MECOM: variants seen among roughly 807,000 people sequenced by gnomAD.
MECOM encodes the protein histone-lysine N-methyltransferase MECOM.
MECOM carries 13 observed loss-of-function variants against 116.3 expected under a neutral mutation model. The observed-to-expected ratio is 0.11, with a 90% CI of 0.07 to 0.18. MECOM has a LOEUF of 0.18. Among genes scored for constraint, MECOM ranks in the 10% least tolerant of loss-of-function variants. The pLI is 1.00. For missense variants in MECOM, 1,299 were observed against 1,509.0 expected (o/e 0.86, Z 2.31); for synonymous variants, 528 against 535.2 (o/e 0.99, Z 0.19).
chr3:169,366,849 A>G (rs771520281), intron 2 of MECOM, among the ~76,000 whole-genome samples: 1 of 152,070 alleles, frequency 6.6e-6, no homozygotes, highest in Non-Finnish European at 1.5e-5. Context: ...GGCACAAAGC[A>G]TCCATCTCCC....
At chr3:169,387,340 G>A (rs1301802776) in intron 1 of MECOM, among the ~76,000 whole-genome samples, 2 of 152,162 alleles carry the variant, frequency 1.3e-5, no homozygotes, top group Admixed American at 6.5e-5. Flanking sequence ...GTAATTCTTC[G>A]GTTCTTATTT....
intron 1 of MECOM, among the ~76,000 whole-genome samples, chr3:169,443,159 G>C (rs1199335440): frequency 6.6e-6 from 1 of 152,072 alleles, no homozygotes; most frequent in East Asian, 1.9e-4. Context: ...AAATTTCTTG[G>C]TATCCCATGG....
At chr3:169,379,100 T>G (rs1340093835) in intron 2 of MECOM, among the ~76,000 whole-genome samples, 2 of 151,750 alleles carry the variant, frequency 1.3e-5, no homozygotes. Flanking sequence ...GAGATGCCTT[T>G]GAGAAAGTGC....
intron 2 of MECOM, among the ~76,000 whole-genome samples, chr3:169,307,293 C>A (rs1430107009): frequency 6.6e-6 from 1 of 152,192 alleles, no homozygotes; most frequent in Non-Finnish European, 1.5e-5. Context: ...AATAGCTTCT[C>A]CACACAAACG....
intron 12 of MECOM, among the ~76,000 whole-genome samples, chr3:169,099,722 G>A (rs1204921762): frequency 6.6e-6 from 1 of 152,054 alleles, no homozygotes; most frequent in Non-Finnish European, 1.5e-5. Context: ...TTTCAAAGGA[G>A]AATGACATTA....
chr3:169,439,169 A>G lies in MECOM; in HGVS notation c.38-57645T>C, dbSNP rs539783651. Among the ~76,000 whole-genome samples the G allele has an allele frequency of 6.2e-4, 92 of 147,672 alleles. 1 individual carries two copies. Among genetic ancestry groups the G allele is most frequent in the African/African-American group, 2.2e-3 (88 of 40,668 alleles). ...AATATATTATTAACTAAAGATTAGT[A>G]TCCAGAATATATTAGTATCCAGAAT... On this transcript the variant is annotated intron_variant, in intron 1 of 16. Coordinates refer to ENST00000651503, the MANE Select transcript of MECOM (RefSeq NM_004991.4).
intron 1 of MECOM, among the ~76,000 whole-genome samples, chr3:169,514,916 A>G (rs983927868): frequency 3.9e-5 from 6 of 152,242 alleles, no homozygotes; most frequent in Admixed American, 3.9e-4. Flanking sequence ...AGAAATAAGC[A>G]AGATAATTTT....
chr3:169,085,226 G>A (rs1222053555), intron 16 of MECOM, among the ~76,000 whole-genome samples, 183 bp from the exon 17 acceptor site: 3 of 152,140 alleles, frequency 2.0e-5, no homozygotes, highest in Admixed American at 6.6e-5. Flanking sequence ...GGCCTTTAGT[G>A]CCTAGGGGCC....
intron 1 of MECOM, among the ~76,000 whole-genome samples, chr3:169,661,741 A>C (rs1776311537): frequency 6.6e-6 from 1 of 152,194 alleles, no homozygotes; most frequent in Non-Finnish European, 1.5e-5. Context: ...CGCAGTGAGC[A>C]AGGAGGCGTG....
intron 1 of MECOM, among the ~76,000 whole-genome samples, chr3:169,482,808 T>A (rs1380292632): frequency 1.3e-5 from 2 of 152,194 alleles, no homozygotes; most frequent in Admixed American, 6.5e-5. Context: ...ATATGTTACA[T>A]GTTTTAGCTC....
chr3:169,202,099 A>G (rs1749236278), intron 2 of MECOM, among the ~76,000 whole-genome samples: 1 of 152,092 alleles, frequency 6.6e-6, no homozygotes, highest in African/African-American at 2.4e-5. Flanking sequence ...ATTGATAATT[A>G]CCTGTTAATT....
intron 1 of MECOM, among the ~76,000 whole-genome samples, chr3:169,532,133 G>C (rs935718588): frequency 2.6e-5 from 4 of 152,202 alleles, no homozygotes; most frequent in Admixed American, 6.5e-5. Context: ...CCCTAGACCA[G>C]TGTTACCAAA....
At chr3:169,252,670 T>C (rs1756394020) in intron 2 of MECOM, among the ~76,000 whole-genome samples, 1 of 152,120 alleles carries the variant, frequency 6.6e-6, no homozygotes, top group Non-Finnish European at 1.5e-5. Context: ...ACCAAACCTG[T>C]TAGAATATGG....
At chr3:169,508,204 C>CAGG (rs10638777) in intron 1 of MECOM, among the ~76,000 whole-genome samples, 78,214 of 151,522 alleles carry the variant, frequency 0.52, 21,514 homozygotes, top group African/African-American at 0.73. Flanking sequence ...TCAAACATGG[C>CAGG]AGAACCTGGA....
At chr3:169,314,958 T>C (rs1327169490) in intron 2 of MECOM, among the ~76,000 whole-genome samples, 1 of 152,184 alleles carries the variant, frequency 6.6e-6, no homozygotes, top group Non-Finnish European at 1.5e-5. Flanking sequence ...AACTACTATG[T>C]GGAAAACACT....
chr3:169,476,413 T>A (rs1268002117), intron 1 of MECOM, among the ~76,000 whole-genome samples: 2 of 152,212 alleles, frequency 1.3e-5, no homozygotes, highest in East Asian at 1.9e-4. Context: ...GCCCATTACA[T>A]TTTATTTGCA....
intron 2 of MECOM, among the ~76,000 whole-genome samples, chr3:169,359,053 C>T (rs1163540888): frequency 6.6e-6 from 1 of 151,752 alleles, no homozygotes; most frequent in Non-Finnish European, 1.5e-5. Flanking sequence ...GGTTTAAAAA[C>T]AGTCATGTTC....
chr3:169,379,054 T>G (rs1409594017), intron 2 of MECOM, among the ~76,000 whole-genome samples: 2 of 151,500 alleles, frequency 1.3e-5, no homozygotes, highest in African/African-American at 4.9e-5. Context: ...AAAGATGACA[T>G]GGGGACAAAT....
chr3:169,564,871 C>T (rs923683717), intron 1 of MECOM, among the ~76,000 whole-genome samples: 32 of 152,116 alleles, frequency 2.1e-4, no homozygotes, highest in African/African-American at 7.2e-4. Context: ...TTCCCCAATC[C>T]CAGGAGAAAT....
Sources: gnomAD v4.1 joint callset for allele counts (sites outside exome capture counted in the v4.1 genomes callset) on GRCh38, gnomAD v4.1.1 for gene constraint, MANE v1.5 for transcripts, NCBI Gene and HGNC (gene_info 2026-07-23, HGNC 2026-07-21) for gene names.